The following SLC12A6 variants were observed in gnomAD, a reference collection of about 807,000 sequenced individuals.
The protein encoded by SLC12A6 is solute carrier family 12 member 6, also known as K-Cl cotransporter 3.
A neutral mutation model predicts 135.3 loss-of-function variants in SLC12A6; 66 were observed. That is an observed-to-expected ratio of 0.49 (90% CI 0.40 to 0.60). The LOEUF is 0.60. SLC12A6 is among the 20% of genes least tolerant of loss of function. The probability of loss-of-function intolerance (pLI) is 0.00; values close to 1 mark genes in which losing one functional copy is unlikely to be tolerated. For synonymous variants in SLC12A6, 513 were observed against 508.8 expected (o/e 1.01, Z -0.11); for missense variants, 1,058 against 1,452.3 (o/e 0.73, Z 4.41).
At chr15:34,300,814 A>G (rs1489239017) in intron 2 of SLC12A6, among the ~76,000 whole-genome samples, 1 of 145,384 alleles carries the variant, frequency 6.9e-6, no homozygotes, top group Non-Finnish European at 1.5e-5. Flanking sequence ...AAAAAAAAAA[A>G]AGAATGAGAG....
At chr15:34,292,402 C>T (rs1195772694) in intron 2 of SLC12A6, among the ~76,000 whole-genome samples, 1 of 151,928 alleles carries the variant, frequency 6.6e-6, no homozygotes, top group Non-Finnish European at 1.5e-5. Flanking sequence ...AGGTGTCTGT[C>T]GGCCCCTACT....
At position 34,229,871 on chromosome 15, in the gene SLC12A6, C is replaced by CTT. The variant is rs1566791786; in HGVS notation, c.*4008_*4009dup. On this transcript the variant is annotated 3_prime_UTR_variant, in exon 26 of 26. Transcript: ENST00000354181. ...AAGCCCAGTGGCTCCTCAGCATACT[C>CTT]TTAAACTAATCACTTATGTTAAAAA... 1 of 1,264,188 alleles carries CTT rather than the reference C, an allele frequency of 7.9e-7. No homozygotes were observed. The highest frequency in any genetic ancestry group is 1.2e-6 in the Non-Finnish European group (1 of 862,326). The allele number at this position is 1,264,188 out of a possible 1,614,324, so 78.3% of individuals were successfully genotyped here.
intron 2 of SLC12A6, among the ~76,000 whole-genome samples, chr15:34,294,255 C>T (rs756933441): frequency 2.2e-4 from 34 of 152,230 alleles, no homozygotes; most frequent in Non-Finnish European, 3.1e-4. Flanking sequence ...CACCTTGAGA[C>T]GGAGTCTTGC....
intron 2 of SLC12A6, among the ~76,000 whole-genome samples, chr15:34,329,570 G>A (rs1889699621): frequency 2.0e-5 from 3 of 152,050 alleles, no homozygotes; most frequent in Non-Finnish European, 4.4e-5. Flanking sequence ...TTGGGCTCAT[G>A]ATGGAAAGAC....
rs770501238 is a variant in SLC12A6 at position 34,308,657 on chromosome 15, CCAG to C, written c.271+27750_271+27752del. Among the ~76,000 whole-genome samples, 158 of 136,466 alleles carry C rather than the reference CCAG, an allele frequency of 1.2e-3. No individual in the cohort carries two copies. The Middle Eastern group carries it at 0.017, about 14-fold the overall frequency. The allele number at this position is 136,466 out of a possible 152,430, so 89.5% of individuals were successfully genotyped here. A position where few individuals can be genotyped will look rare whatever the true frequency, so the allele number is the denominator to read the frequency against. ...AAAAAAAAAAAAAAAAAAAAACAAACCAGATTGTTGGATTAAGTCAAGTTCAGA... is the reference window on the plus strand; with the variant it reads ...AAAAAAAAAAAAAAAAAAAAACAAACATTGTTGGATTAAGTCAAGTTCAGA... On this transcript the variant is annotated intron_variant, in intron 2 of 25. Coordinates refer to ENST00000354181, the MANE Select transcript of SLC12A6 (RefSeq NM_001365088.1).
At chr15:34,246,040 C>G (rs1423364446) in intron 13 of SLC12A6, among the ~76,000 whole-genome samples, 173 bp from the exon 14 acceptor site, 2 of 152,104 alleles carry the variant, frequency 1.3e-5, no homozygotes. Flanking sequence ...TCAAGCAATT[C>G]TCTTGCCTCG....
intron 2 of SLC12A6, among the ~76,000 whole-genome samples, chr15:34,300,588 G>C (rs1217180872): frequency 6.6e-6 from 1 of 152,026 alleles, no homozygotes; most frequent in East Asian, 1.9e-4. Flanking sequence ...CTTGAGCCCA[G>C]ACCAGGCTGG....
intron 18 of SLC12A6, 157 bp from the exon 19 acceptor site, chr15:34,240,986 T>C (rs1295862577): frequency 2.9e-6 from 2 of 694,170 alleles, no homozygotes; most frequent in East Asian, 2.7e-5. Context: ...AAGGGCATTA[T>C]TTTGAATGCT....
At chr15:34,299,195 G>A (rs1275854585) in intron 2 of SLC12A6, among the ~76,000 whole-genome samples, 1 of 152,160 alleles carries the variant, frequency 6.6e-6, no homozygotes. Context: ...GGTAGCGGAG[G>A]CTACTGGTGT....
At chr15:34,273,994 G>A (rs1894132108) in intron 3 of SLC12A6, among the ~76,000 whole-genome samples, 1 of 151,698 alleles carries the variant, frequency 6.6e-6, no homozygotes, top group South Asian at 2.1e-4. Context: ...CCACTGTTAG[G>A]AATTTACCCT....
At chr15:34,325,170 T>C (rs1889382285) in intron 2 of SLC12A6, among the ~76,000 whole-genome samples, 1 of 152,206 alleles carries the variant, frequency 6.6e-6, no homozygotes, top group African/African-American at 2.4e-5. Flanking sequence ...CACTTACATT[T>C]AGGGCTACTA....
At chr15:34,323,673 A>G (rs1889272868) in intron 2 of SLC12A6, among the ~76,000 whole-genome samples, 1 of 152,152 alleles carries the variant, frequency 6.6e-6, no homozygotes, top group African/African-American at 2.4e-5. Context: ...GTTGGCATCC[A>G]GGCATGGTGG....
Position 34,291,066 on chromosome 15 carries a change from C to T in SLC12A6, c.272-15677G>A, listed in dbSNP as rs568738632. 9.2e-5 allele frequency among the ~76,000 whole-genome samples: 14 copies of T among 152,298 alleles called. No individual in the cohort carries two copies. The South Asian group carries it at 2.9e-3, about 32-fold the overall frequency. On this transcript the variant is annotated intron_variant, in intron 2 of 25. Coordinates refer to ENST00000354181, the MANE Select transcript of SLC12A6 (RefSeq NM_001365088.1). ...TTTCATCTGTTAATTGATGTAGTTT[C>T]TTCATAGCACTGATGGTCTTTACAA...
intron 2 of SLC12A6, among the ~76,000 whole-genome samples, chr15:34,300,200 A>G (rs1030913990): frequency 2.0e-5 from 3 of 152,180 alleles, no homozygotes; most frequent in African/African-American, 7.2e-5. Context: ...AAGGTGGTAA[A>G]GGATAGGTGT....
At chr15:34,234,177 C>CA (rs1891099240) in intron 25 of SLC12A6, among the ~76,000 whole-genome samples, 1 of 152,036 alleles carries the variant, frequency 6.6e-6, no homozygotes, top group African/African-American at 2.4e-5. Flanking sequence ...ACCAGACTCC[C>CA]ATTTGTGTAT....
In SLC12A6 at chr15:34,230,061, A is replaced by G. The variant is rs561846187; in HGVS notation, c.*3820T>C. 6 of 434,926 alleles carry G rather than the reference A, an allele frequency of 1.4e-5. No individual in the cohort carries two copies. In the Admixed American group the frequency reaches 1.6e-4, roughly 12 times the overall value. The allele number at this position is 434,926 out of a possible 1,614,324, so 26.9% of individuals were successfully genotyped here. ...GAGCAAAACAACAACAAAAAAACAT[A>G]ACTATGTAAACAAGAGAATAACTGC... On this transcript the variant is annotated 3_prime_UTR_variant, in exon 26 of 26. Transcript: ENST00000354181.
chr15:34,235,953 A>C (rs1891232580), intron 24 of SLC12A6, 62 bp downstream of exon 24: 8 of 1,284,992 alleles, frequency 6.2e-6, no homozygotes, highest in Middle Eastern at 1.8e-4. Flanking sequence ...TGTCCAGGCA[A>C]AGTCACATTT....
chr15:34,334,249 G>A, intron 2 of SLC12A6, among the ~76,000 whole-genome samples: 1 of 152,020 alleles, frequency 6.6e-6, no homozygotes, highest in East Asian at 1.9e-4. Flanking sequence ...ATGTACAAAG[G>A]GTGAAAAAAT....
chr15:34,237,961 A>T lies in SLC12A6; in HGVS notation c.2802+271T>A, dbSNP rs531832830. 2.0e-4 allele frequency among the ~76,000 whole-genome samples: 30 copies of T among 152,302 alleles called. No homozygotes were observed. The South Asian group carries it at 3.5e-3, about 18-fold the overall frequency. On this transcript the variant is annotated intron_variant, in intron 21 of 25. Coordinates refer to ENST00000354181, the MANE Select transcript of SLC12A6 (RefSeq NM_001365088.1). ...ATACCTTAAGTTTTCAGTATTTTTTAAAAAAAGATGTGTTCACTTGTTGTT... is the reference window on the plus strand; with the variant it reads ...ATACCTTAAGTTTTCAGTATTTTTTTAAAAAAGATGTGTTCACTTGTTGTT...
Sources: allele counts gnomAD v4.1 joint callset (sites outside exome capture counted in the v4.1 genomes callset), GRCh38; gene constraint gnomAD v4.1.1; transcripts MANE v1.5; gene names NCBI Gene and HGNC (gene_info 2026-07-23, HGNC 2026-07-21).